Variants in INPP4B observed in about 807,000 individuals in gnomAD.
The protein encoded by INPP4B is inositol polyphosphate-4-phosphatase type II B, also known as inositol polyphosphate 4-phosphatase type II.
Under a neutral mutation model 122.5 loss-of-function variants are expected in INPP4B, and 55 were observed. That is an observed-to-expected ratio of 0.45 (90% confidence interval 0.36 to 0.56). INPP4B has a LOEUF of 0.56. INPP4B is among the 20% of genes least tolerant of loss of function. INPP4B has a pLI of 0.00. For missense variants in INPP4B, 1,000 were observed against 1,097.7 expected, an observed-to-expected ratio of 0.91 and a Z score of 1.26; for synonymous variants, 403 against 388.7, an observed-to-expected ratio of 1.04 and a Z score of -0.43.
chr4:142,466,474 T>C (rs1817800943), intron 2 of INPP4B, among the ~76,000 whole-genome samples: 1 of 152,184 alleles, frequency 6.6e-6, no homozygotes, highest in Non-Finnish European at 1.5e-5. Flanking sequence ...TTCTAACAAC[T>C]TAAATCAGAT....
chr4:142,238,137 T>A (rs1162475224), intron 11 of INPP4B, 126 bp from the exon 12 acceptor site: 7 of 483,672 alleles, frequency 1.4e-5, no homozygotes, highest in African/African-American at 1.2e-4. Context: ...TGTCTTTTTT[T>A]AAATCAAAAT....
intron 2 of INPP4B, among the ~76,000 whole-genome samples, chr4:142,608,451 C>A (rs1365742954): frequency 6.6e-6 from 1 of 152,120 alleles, no homozygotes; most frequent in African/African-American, 2.4e-5. Flanking sequence ...TATGAGTTTT[C>A]TATAGCTTCT....
Position 142,472,324 on chromosome 4 carries a change from GAA to G in INPP4B, c.-190-9600_-190-9599del, listed in dbSNP as rs35559477. Among the ~76,000 whole-genome samples the G allele has an allele frequency of 7.1e-4, 100 of 140,906 alleles. 1 individual carries two copies. Among genetic ancestry groups the G allele is most frequent in the Admixed American group, 2.5e-3 (36 of 14,348 alleles). 92.4% of individuals were successfully genotyped at this position (140,906 alleles called of 152,430 possible). ...AAAAGTACTGTAAAGATCATTGTAG[GAA>G]AAAAAAAAAAAAGTCATTGTGTCCA... On this transcript the variant is annotated intron_variant, in intron 2 of 25. Transcript: ENST00000262992.
chr4:142,066,021 C>A (rs6849189), intron 25 of INPP4B, among the ~76,000 whole-genome samples: 3,334 of 152,080 alleles, frequency 0.022, 131 homozygotes, highest in African/African-American at 0.074. Flanking sequence ...TTCCTTTCCC[C>A]CAAGAGTGTA....
chr4:142,307,214 G>A (rs1763728944), intron 8 of INPP4B, among the ~76,000 whole-genome samples: 1 of 152,086 alleles, frequency 6.6e-6, no homozygotes, highest in Non-Finnish European at 1.5e-5. Flanking sequence ...GACTCGGAGA[G>A]ATCCTCCTGA....
At chr4:142,399,397 A>G (rs985879644) in intron 7 of INPP4B, among the ~76,000 whole-genome samples, 6 of 151,866 alleles carry the variant, frequency 4.0e-5, no homozygotes, top group African/African-American at 1.5e-4. Context: ...GGGTTTCACC[A>G]TGTTGGCTAG....
At chr4:142,292,896 T>C (rs551480238) in intron 9 of INPP4B, among the ~76,000 whole-genome samples, 9 of 152,210 alleles carry the variant, frequency 5.9e-5, no homozygotes, top group Non-Finnish European at 7.3e-5. Context: ...AACACTTCAG[T>C]CAGGTTCAAT....
intron 20 of INPP4B, among the ~76,000 whole-genome samples, chr4:142,122,634 C>T (rs1441460928): frequency 1.3e-5 from 2 of 152,164 alleles, no homozygotes; most frequent in South Asian, 2.1e-4. Context: ...CATCTCCATA[C>T]ATTAACAAAT....
At chr4:142,662,344 T>C (rs1304827626) in intron 2 of INPP4B, among the ~76,000 whole-genome samples, 1 of 152,212 alleles carries the variant, frequency 6.6e-6, no homozygotes, top group Non-Finnish European at 1.5e-5. Flanking sequence ...TGCTCCCTTG[T>C]TATTGTCTCA....
At chr4:142,092,735 C>T (rs2152569225) in intron 23 of INPP4B, among the ~76,000 whole-genome samples, 1 of 152,270 alleles carries the variant, frequency 6.6e-6, no homozygotes, top group East Asian at 1.9e-4. Context: ...CATTTGCAAT[C>T]AAAAGCATTC....
chr4:142,178,833 TAA>T (rs3049049), intron 15 of INPP4B, among the ~76,000 whole-genome samples: 14,407 of 140,456 alleles, frequency 0.1, 1,038 homozygotes, highest in African/African-American at 0.21. Context: ...ACCCTACTTG[TAA>T]AAAAAAAAAA....
chr4:142,112,148 A>C (rs553775491), intron 22 of INPP4B, among the ~76,000 whole-genome samples: 1 of 152,356 alleles, frequency 6.6e-6, no homozygotes, highest in East Asian at 1.9e-4. Context: ...ATAACCATTA[A>C]AATAAACACA....
At chr4:142,724,588 C>A (rs1765103541) in intron 2 of INPP4B, among the ~76,000 whole-genome samples, 1 of 152,092 alleles carries the variant, frequency 6.6e-6, no homozygotes, top group African/African-American at 2.4e-5. Flanking sequence ...TAAAAGACAA[C>A]CCTCAATTAA....
At chr4:142,779,379 T>C (rs888302781) in intron 1 of INPP4B, among the ~76,000 whole-genome samples, 1 of 152,108 alleles carries the variant, frequency 6.6e-6, no homozygotes, top group South Asian at 2.1e-4. Flanking sequence ...GGAATGCCCC[T>C]TCACATGATT....
intron 2 of INPP4B, among the ~76,000 whole-genome samples, chr4:142,630,153 A>T (rs908620726): frequency 1.3e-5 from 2 of 152,102 alleles, no homozygotes; most frequent in Non-Finnish European, 2.9e-5. Context: ...AAGTAGGGTA[A>T]ATTCAGCATC....
chr4:142,250,878 C>T (rs866542518), intron 11 of INPP4B, among the ~76,000 whole-genome samples: 2 of 152,046 alleles, frequency 1.3e-5, no homozygotes, highest in East Asian at 1.9e-4. Flanking sequence ...AGGAAAAAAG[C>T]AATAATTAAT....
At chr4:142,354,366 C>T (rs1424452914) in intron 7 of INPP4B, among the ~76,000 whole-genome samples, 7 of 151,854 alleles carry the variant, frequency 4.6e-5, no homozygotes, top group East Asian at 3.9e-4. Context: ...TGGATGAGTA[C>T]GGCTCATTTA....
chr4:142,534,660 AT>A (rs1827987616), intron 2 of INPP4B, among the ~76,000 whole-genome samples: 1 of 150,466 alleles, frequency 6.6e-6, no homozygotes, highest in Non-Finnish European at 1.5e-5. Context: ...AATAGGATAT[AT>A]TATTAATAAA....
intron 3 of INPP4B, among the ~76,000 whole-genome samples, chr4:142,439,870 G>A (rs957227794): frequency 2.0e-5 from 3 of 152,050 alleles, no homozygotes; most frequent in Non-Finnish European, 4.4e-5. Flanking sequence ...CAAATTCTAT[G>A]GGCCAGGTTT....
Sources: gnomAD v4.1 joint callset for allele counts (sites outside exome capture counted in the v4.1 genomes callset) on GRCh38, gnomAD v4.1.1 for gene constraint, MANE v1.5 for transcripts, NCBI Gene and HGNC (gene_info 2026-07-23, HGNC 2026-07-21) for gene names.